The following FILIP1L variants were observed in gnomAD, a reference collection of about 807,000 sequenced individuals.
FILIP1L encodes the protein filamin A-interacting protein 1-like.
FILIP1L carries 55 observed loss-of-function variants against 96.6 expected under a neutral mutation model. The observed-to-expected ratio is 0.57, with a 90% CI of 0.46 to 0.71. The LOEUF (loss-of-function observed/expected upper bound fraction) is 0.71, where lower values mean the gene tolerates loss of function less well. Among genes scored for constraint, FILIP1L ranks in the 30% least tolerant of loss-of-function variants. FILIP1L has a pLI of 0.00. For missense variants in FILIP1L, 1,304 were observed against 1,321.2 expected, an observed-to-expected ratio of 0.99 and a Z score of 0.20; for synonymous variants, 467 against 473.9, an observed-to-expected ratio of 0.99 and a Z score of 0.19.
intron 4 of FILIP1L, among the ~76,000 whole-genome samples, chr3:99,908,733 C>T (rs181376470): frequency 6.6e-6 from 1 of 152,210 alleles, no homozygotes; most frequent in East Asian, 1.9e-4. Flanking sequence ...GTGCTTAGCA[C>T]AGTGTTTGAC....
At chr3:100,044,034 T>C (rs1040929919) in intron 1 of FILIP1L, among the ~76,000 whole-genome samples, 4 of 152,212 alleles carry the variant, frequency 2.6e-5, no homozygotes, top group Admixed American at 2.6e-4. Flanking sequence ...GTTTGAAGGC[T>C]AGCTAGTAGT....
intron 1 of FILIP1L, among the ~76,000 whole-genome samples, chr3:100,034,399 C>T (rs1272525475): frequency 6.6e-6 from 1 of 152,122 alleles, no homozygotes; most frequent in Non-Finnish European, 1.5e-5. Context: ...TGATTATGGC[C>T]AGATGTAATG....
chr3:99,887,509 C>A (rs1441024191), intron 4 of FILIP1L, among the ~76,000 whole-genome samples: 5 of 152,148 alleles, frequency 3.3e-5, no homozygotes, highest in Non-Finnish European at 7.3e-5. Context: ...TGGATCCAGG[C>A]TACGAATAGG....
chr3:99,981,399 G>A (rs1005167422), intron 1 of FILIP1L, among the ~76,000 whole-genome samples: 3 of 152,126 alleles, frequency 2.0e-5, no homozygotes, highest in Non-Finnish European at 2.9e-5. Flanking sequence ...GTGTGTCACA[G>A]CATCCAACAC....
rs547300952 is a variant in FILIP1L at position 99,913,389 on chromosome 3, G to A, written c.605+10841C>T. Among the ~76,000 whole-genome samples the A allele has an allele frequency of 7.8e-4, 119 of 152,226 alleles. 2 individuals are homozygous for A. The highest frequency in any genetic ancestry group is 3.4e-3 in the Middle Eastern group (1 of 294). On this transcript the variant is annotated intron_variant, in intron 4 of 5. Coordinates refer to ENST00000477258, the MANE Select transcript of FILIP1L (RefSeq NM_001387850.1). ...TATTATCTTTTTGATTAAAGTTATC[G>A]TAGTGGATATGAAGTGGTATCTCTC...
At chr3:99,907,274 G>A (rs1706649344) in intron 4 of FILIP1L, among the ~76,000 whole-genome samples, 2 of 151,948 alleles carry the variant, frequency 1.3e-5, no homozygotes, top group Non-Finnish European at 1.5e-5. Flanking sequence ...TTGAGACAGA[G>A]TCTCACTCTG....
intron 4 of FILIP1L, among the ~76,000 whole-genome samples, chr3:99,879,779 CTG>C (rs748486395): frequency 1.3e-5 from 2 of 152,158 alleles, no homozygotes; most frequent in Non-Finnish European, 2.9e-5. Context: ...TATGGAAACA[CTG>C]TCATGTACAA....
intron 1 of FILIP1L, among the ~76,000 whole-genome samples, chr3:99,990,356 T>G (rs1011428053): frequency 2.6e-5 from 4 of 152,170 alleles, no homozygotes; most frequent in Non-Finnish European, 4.4e-5. Flanking sequence ...TTAATATTGA[T>G]CCGTTCAATC....
chr3:99,910,072 C>T lies in FILIP1L; in HGVS notation c.605+14158G>A, dbSNP rs1333138824. ...GTGTGGGGTCAGCTCACCCTCATTGCACTTTCAAGTATAATATTAGGTATT... is the reference window on the plus strand; with the variant it reads ...GTGTGGGGTCAGCTCACCCTCATTGTACTTTCAAGTATAATATTAGGTATT... On this transcript the variant is annotated intron_variant, in intron 4 of 5. Transcript: ENST00000477258. Among the ~76,000 whole-genome samples the T allele has an allele frequency of 1.5e-5, 2 of 135,874 alleles. 1 individual carries two copies. Among genetic ancestry groups the T allele is most frequent in the Non-Finnish European group, 3.4e-5 (2 of 59,506 alleles). 89.1% of individuals were successfully genotyped at this position (135,874 alleles called of 152,430 possible).
intron 1 of FILIP1L, among the ~76,000 whole-genome samples, chr3:100,037,956 TGG>T (rs1313968492): frequency 3.4e-5 from 3 of 87,814 alleles, no homozygotes; most frequent in African/African-American, 1.2e-4. Flanking sequence ...TTTTTTTTTT[TGG>T]GGGGGGAGGG....
In FILIP1L at chr3:99,848,462, G is replaced by T. The variant is rs1316710005; in HGVS notation, c.3214C>A (p.Gln1072Lys). The stretch of plus-strand genomic sequence containing the variant: ...GGTCTCACAGGGCTGGCTACAGCTT[G>T]CATGTAAGGACTTCCTAAGTGAATG... The part of the protein sequence containing the change: ...IHIHLGSPYM[Q>K]AVASPVRPAS... Residue 1072 changes from glutamine to lysine, a missense_variant, in exon 5 of 6, where the codon CAA becomes AAA. Coordinates refer to ENST00000477258, the MANE Select transcript of FILIP1L (RefSeq NM_001387850.1). The T allele has an allele frequency of 1.2e-6, 2 of 1,614,184 alleles. No individual in the cohort carries two copies. The highest frequency in any genetic ancestry group is 1.6e-4 in the Middle Eastern group (1 of 6,062).
At chr3:99,878,296 A>C (rs1296095323) in intron 4 of FILIP1L, among the ~76,000 whole-genome samples, 2 of 152,218 alleles carry the variant, frequency 1.3e-5, no homozygotes, top group African/African-American at 4.8e-5. Context: ...AGTGCTCTAC[A>C]AGCATTTCAT....
At chr3:99,956,698 C>G (rs756466508) in intron 1 of FILIP1L, among the ~76,000 whole-genome samples, 10 of 152,306 alleles carry the variant, frequency 6.6e-5, no homozygotes, top group Admixed American at 2.0e-4. Flanking sequence ...TCTTGCCCAT[C>G]AAATACCCCC....
rs764957237 is a variant in FILIP1L, at chr3:99,930,752, ACTCCAACCCAGCTGACCTGCAGTT to A, written c.245_252+16del. On this transcript the variant is annotated splice_donor_variant and splice_donor_5th_base_variant and coding_sequence_variant and intron_variant, in exon 2 of 6. Coordinates refer to ENST00000477258, the MANE Select transcript of FILIP1L (RefSeq NM_001387850.1). LOFTEE classifies it high-confidence loss of function. ...TTCTGTTTGAAGCATGATGGGGATA[ACTCCAACCCAGCTGACCTGCAGTT>A]CTCCCTCCAGAATGCTGAGGAGAAA... 5 of 1,611,164 alleles carry A rather than the reference ACTCCAACCCAGCTGACCTGCAGTT, an allele frequency of 3.1e-6. No homozygotes were observed. Among genetic ancestry groups the A allele is most frequent in the Non-Finnish European group, 4.2e-6 (5 of 1,178,474 alleles).
intron 4 of FILIP1L, among the ~76,000 whole-genome samples, chr3:99,862,547 G>A (rs568628251): frequency 1.3e-5 from 2 of 152,268 alleles, no homozygotes; most frequent in African/African-American, 4.8e-5. Flanking sequence ...ACACTGTAGG[G>A]TGTTTAGCAG....
chr3:99,973,867 TAA>T (rs1439747473), intron 1 of FILIP1L, among the ~76,000 whole-genome samples: 1 of 152,204 alleles, frequency 6.6e-6, no homozygotes, highest in Non-Finnish European at 1.5e-5. Flanking sequence ...ATGGTTGCTC[TAA>T]GTTTTAGGTG....
intron 4 of FILIP1L, among the ~76,000 whole-genome samples, chr3:99,891,942 A>T (rs1169729942): frequency 1.3e-5 from 2 of 152,224 alleles, no homozygotes; most frequent in African/African-American, 4.8e-5. Flanking sequence ...AATAGCTATG[A>T]TTCACTAACA....
At chr3:100,032,192 AAATGTGGTAGAGGAAATTATTGATATGT>A (rs1226520400) in intron 1 of FILIP1L, among the ~76,000 whole-genome samples, 1 of 152,200 alleles carries the variant, frequency 6.6e-6, no homozygotes, top group African/African-American at 2.4e-5. Flanking sequence ...ACAATTATTT[AAATGTGGTAGAGGAAATTATTGATATGT>A]ATGCCTCTTT....
At chr3:100,110,824 A>G (rs1305621176) in intron 1 of FILIP1L, among the ~76,000 whole-genome samples, 1 of 152,126 alleles carries the variant, frequency 6.6e-6, no homozygotes, top group Non-Finnish European at 1.5e-5. Context: ...TTGCACCAGA[A>G]GCAGGATCTG....
Sources: allele counts gnomAD v4.1 joint callset (sites outside exome capture counted in the v4.1 genomes callset), GRCh38; gene constraint gnomAD v4.1.1; transcripts MANE v1.5; gene names NCBI Gene and HGNC (gene_info 2026-07-23, HGNC 2026-07-21).